Variants in TAS2R1 observed in about 807,000 individuals in gnomAD.
TAS2R1 encodes taste receptor type 2 member 1.
For synonymous variants in TAS2R1, 141 were observed against 134.2 expected, an observed-to-expected ratio of 1.05 and a Z score of -0.35; for missense variants, 370 against 353.4, an observed-to-expected ratio of 1.05 and a Z score of -0.38.
the TAS2R1 span, among the ~76,000 whole-genome samples, chr5:9,793,355 C>A: frequency 3.3e-5 from 5 of 152,144 alleles, no homozygotes; most frequent in African/African-American, 1.2e-4. Context: ...CTCAATACTA[C>A]CTATGCTGTT....
the TAS2R1 span, among the ~76,000 whole-genome samples, chr5:9,888,655 C>T: frequency 6.6e-6 from 1 of 152,192 alleles, no homozygotes; most frequent in African/African-American, 2.4e-5. Flanking sequence ...CACAAGCTTA[C>T]AGTCTGATTA....
intron 2 of TAS2R1, among the ~76,000 whole-genome samples, chr5:9,651,564 T>A (rs964737731): frequency 6.6e-6 from 1 of 152,204 alleles, no homozygotes; most frequent in African/African-American, 2.4e-5. Context: ...GCATATTTAA[T>A]GGAGAAATCC....
the TAS2R1 span, among the ~76,000 whole-genome samples, chr5:9,901,419 G>C: frequency 6.6e-6 from 1 of 151,972 alleles, no homozygotes; most frequent in East Asian, 1.9e-4. Flanking sequence ...GTATGCACAG[G>C]GGCGTTCATT....
chr5:9,714,862 C>A (rs1021787665), upstream of TAS2R1, among the ~76,000 whole-genome samples: 5 of 152,234 alleles, frequency 3.3e-5, no homozygotes, highest in African/African-American at 9.6e-5. Context: ...GTGCAACATG[C>A]AACTTGCATG....
the TAS2R1 span, among the ~76,000 whole-genome samples, chr5:9,745,567 G>C: frequency 0.053 from 8,072 of 151,892 alleles, 571 homozygotes; most frequent in East Asian, 0.27. Context: ...TACCAAAACA[G>C]ATACACAGAC....
At chr5:9,677,967 T>A (rs1209042494) in intron 1 of TAS2R1, among the ~76,000 whole-genome samples, 1 of 152,102 alleles carries the variant, frequency 6.6e-6, no homozygotes, top group Non-Finnish European at 1.5e-5. Flanking sequence ...AATGGGCAGC[T>A]GAGGTGGGAA....
chr5:9,809,393 A>T, the TAS2R1 span, among the ~76,000 whole-genome samples: 1 of 152,192 alleles, frequency 6.6e-6, no homozygotes, highest in Non-Finnish European at 1.5e-5. Flanking sequence ...TAGTAGGTGG[A>T]GTCTTTGGGA....
At chr5:9,839,784 T>A in the TAS2R1 span, among the ~76,000 whole-genome samples, 1 of 152,186 alleles carries the variant, frequency 6.6e-6, no homozygotes, top group East Asian at 1.9e-4. Flanking sequence ...TTTTTTAAGG[T>A]AGTCCATTAC....
chr5:9,887,034 T>C, the TAS2R1 span, among the ~76,000 whole-genome samples: 3 of 152,192 alleles, frequency 2.0e-5, no homozygotes, highest in East Asian at 3.9e-4. Context: ...GGGAATGGAA[T>C]TGCTGGAGCA....
the TAS2R1 span, among the ~76,000 whole-genome samples, chr5:9,881,219 G>C: frequency 2.0e-5 from 3 of 152,038 alleles, no homozygotes; most frequent in African/African-American, 7.2e-5. Flanking sequence ...TAGACAAACA[G>C]AGAGCCAAAT....
chr5:9,847,627 T>C, the TAS2R1 span, among the ~76,000 whole-genome samples: 1 of 152,202 alleles, frequency 6.6e-6, no homozygotes, highest in Non-Finnish European at 1.5e-5. Flanking sequence ...ACATGGAAGC[T>C]TTGGAGCATC....
the TAS2R1 span, among the ~76,000 whole-genome samples, chr5:9,839,874 G>A: frequency 7.2e-5 from 11 of 151,994 alleles, 1 homozygote; most frequent in South Asian, 2.3e-3. Flanking sequence ...TTTTAATACA[G>A]AATACTTAAT....
chr5:9,747,622 A>T, the TAS2R1 span, among the ~76,000 whole-genome samples: 1 of 152,160 alleles, frequency 6.6e-6, no homozygotes, highest in Non-Finnish European at 1.5e-5. Flanking sequence ...ATACGCCTCC[A>T]TGACCCAAAC....
chr5:9,886,745 T>C, the TAS2R1 span, among the ~76,000 whole-genome samples: 2 of 151,332 alleles, frequency 1.3e-5, no homozygotes, highest in South Asian at 2.1e-4. Flanking sequence ...GGGAGGAGAG[T>C]GAGGATCAAA....
chr5:9,882,919 T>C, the TAS2R1 span, among the ~76,000 whole-genome samples: 7 of 152,224 alleles, frequency 4.6e-5, no homozygotes. Context: ...AAAAGACACA[T>C]GCATGCATAT....
the TAS2R1 span, among the ~76,000 whole-genome samples, chr5:9,722,954 C>A: frequency 6.6e-6 from 1 of 152,194 alleles, no homozygotes; most frequent in Non-Finnish European, 1.5e-5. Flanking sequence ...CACTAAGAAG[C>A]CTCTGCTGCA....
the TAS2R1 span, among the ~76,000 whole-genome samples, chr5:9,888,871 C>G: frequency 1.3e-5 from 2 of 152,092 alleles, no homozygotes; most frequent in Non-Finnish European, 2.9e-5. Context: ...TAGCAGAAGA[C>G]AGATGGCATC....
chr5:9,866,891 C>G, the TAS2R1 span, among the ~76,000 whole-genome samples: 1 of 152,208 alleles, frequency 6.6e-6, no homozygotes, highest in East Asian at 1.9e-4. Flanking sequence ...CTGAGCAGCT[C>G]TTTGAAGCCT....
intron 1 of TAS2R1, among the ~76,000 whole-genome samples, chr5:9,701,829 T>C (rs111992191): frequency 0.026 from 3,992 of 152,302 alleles, 137 homozygotes; most frequent in African/African-American, 0.09. Context: ...CTTGCAGTCA[T>C]ATTGTTACCA....
Sources: allele counts gnomAD v4.1 joint callset (sites outside exome capture counted in the v4.1 genomes callset), GRCh38; gene constraint gnomAD v4.1.1; transcripts MANE v1.5; gene names NCBI Gene and HGNC (gene_info 2026-07-23, HGNC 2026-07-21).